PLD5: variants seen among roughly 807,000 people sequenced by gnomAD.
PLD5 encodes inactive phospholipase D5.
Under a neutral mutation model 61.1 loss-of-function variants are expected in PLD5, and 36 were observed. The observed-to-expected ratio is 0.59, with a 90% confidence interval of 0.45 to 0.78. The LOEUF (loss-of-function observed/expected upper bound fraction) is 0.78, where lower values mean the gene tolerates loss of function less well. PLD5 is among the 30% of genes least tolerant of loss of function. PLD5 has a pLI of 0.00. For missense variants in PLD5, 515 were observed against 644.4 expected (o/e 0.80, Z 2.17); for synonymous variants, 243 against 242.8 (o/e 1.00, Z -0.01).
chr1:242,328,482 ATATT>A (rs1412684124), intron 2 of PLD5, among the ~76,000 whole-genome samples: 4 of 152,162 alleles, frequency 2.6e-5, no homozygotes, highest in Non-Finnish European at 4.4e-5. Context: ...TGTATTCTAC[ATATT>A]TATGTGTTCT....
chr1:242,472,199 C>T lies in PLD5; in HGVS notation c.189+51889G>A, dbSNP rs186369384. Among the ~76,000 whole-genome samples the T allele has an allele frequency of 8.1e-4, 123 of 152,290 alleles. 1 individual carries two copies. The highest frequency in any genetic ancestry group is 2.8e-3 in the African/African-American group (118 of 41,570). ...TGGAGTCTGCACTCATTTCCCACCA[C>T]GGAGCTACTTGGGGCTCAGTGGAAT... On this transcript the variant is annotated intron_variant, in intron 1 of 9. Coordinates refer to ENST00000536534, the MANE Select transcript of PLD5 (RefSeq NM_001372062.1).
intron 1 of PLD5, among the ~76,000 whole-genome samples, chr1:242,500,711 A>T (rs148915283): frequency 3.9e-4 from 59 of 152,246 alleles, no homozygotes; most frequent in Non-Finnish European, 6.9e-4. Flanking sequence ...AAAGGTACAG[A>T]GCCCAGGAGC....
chr1:242,219,961 T>C (rs369351636), intron 5 of PLD5, 27 bp downstream of exon 5: 57 of 1,603,558 alleles, frequency 3.6e-5, no homozygotes, highest in South Asian at 7.7e-5. Context: ...GACAGAACAT[T>C]GAGTTTACAT....
intron 5 of PLD5, among the ~76,000 whole-genome samples, chr1:242,190,750 T>A (rs1463291834): frequency 2.0e-5 from 3 of 150,718 alleles, no homozygotes; most frequent in Non-Finnish European, 3.0e-5. Context: ...AAAAAAAAAA[T>A]AGAAAAATCC....
In PLD5 at chr1:242,347,124, G is replaced by A. The variant is rs117205212; in HGVS notation, c.326+982C>T. On this transcript the variant is annotated intron_variant, in intron 2 of 9. Transcript: ENST00000536534. ...TGTTGCCTGGTAACTAGACTATAAGGTACCATGGGTTAAACATAAATGCCA... is the reference window on the plus strand; with the variant it reads ...TGTTGCCTGGTAACTAGACTATAAGATACCATGGGTTAAACATAAATGCCA... Among the ~76,000 whole-genome samples, 512 of 152,202 alleles carry A rather than the reference G, an allele frequency of 3.4e-3. 15 individuals are homozygous for A. In the East Asian group the frequency reaches 0.048, roughly 14 times the overall value.
rs910379304 is a variant in PLD5, at chr1:242,482,127, T to G, written c.189+41961A>C. On this transcript the variant is annotated intron_variant, in intron 1 of 9. Transcript: ENST00000536534. Reference sequence around the variant, plus strand: ...ATGGGGAAAAACAGAGCAGAAAAACTGAAAATTCTAAAAATCAGAGCGCCT... The same window carrying G: ...ATGGGGAAAAACAGAGCAGAAAAACGGAAAATTCTAAAAATCAGAGCGCCT... Among the ~76,000 whole-genome samples the G allele has an allele frequency of 3.9e-5, 6 of 152,220 alleles. No homozygotes were observed. The East Asian group carries it at 7.7e-4, about 20-fold the overall frequency.
At chr1:242,354,792 A>AT (rs1660667684) in intron 1 of PLD5, among the ~76,000 whole-genome samples, 1 of 149,672 alleles carries the variant, frequency 6.7e-6, no homozygotes, top group Non-Finnish European at 1.5e-5. Context: ...TATGAAGTAC[A>AT]TTTCTCCTAT....
intron 5 of PLD5, among the ~76,000 whole-genome samples, chr1:242,125,297 G>A (rs1346572344): frequency 2.6e-5 from 4 of 151,986 alleles, no homozygotes; most frequent in Non-Finnish European, 5.9e-5. Flanking sequence ...TCTTATTAAC[G>A]TTACACAAGC....
chr1:242,452,057 C>G (rs1666800038), intron 1 of PLD5, among the ~76,000 whole-genome samples: 1 of 152,154 alleles, frequency 6.6e-6, no homozygotes, highest in Admixed American at 6.5e-5. Flanking sequence ...ACCCTCCCAA[C>G]AGGGCTGAAT....
At chr1:242,481,636 G>A (rs538795381) in intron 1 of PLD5, among the ~76,000 whole-genome samples, 1 of 152,232 alleles carries the variant, frequency 6.6e-6, no homozygotes, top group African/African-American at 2.4e-5. Flanking sequence ...TCTGGGGGCA[G>A]GGCATAGCCA....
chr1:242,434,901 G>A (rs1197663515), intron 1 of PLD5, among the ~76,000 whole-genome samples: 12 of 152,068 alleles, frequency 7.9e-5, no homozygotes, highest in Non-Finnish European at 4.4e-5. Flanking sequence ...AAAGTTCAGG[G>A]TACATGTGAA....
intron 2 of PLD5, among the ~76,000 whole-genome samples, chr1:242,327,728 T>C (rs1161806745): frequency 5.3e-5 from 8 of 152,198 alleles, no homozygotes; most frequent in Admixed American, 6.5e-5. Context: ...GAATTTTAAC[T>C]TTCAAAATGT....
In PLD5 at chr1:242,100,765, T is replaced by C; in HGVS notation, c.1257A>G (p.Glu419=). The C allele has an allele frequency of 6.2e-7, 1 of 1,612,252 alleles. No individual in the cohort carries two copies. Among genetic ancestry groups the C allele is most frequent in the Non-Finnish European group, 8.5e-7 (1 of 1,179,512 alleles). ...CSLKVKFFDL[E]RENACATKEQ... ...CTTTTGTAGCACAAGCATTCTCTCTTTCCAGATCAAAAAATTTCTGTAAGA... is the reference window on the plus strand; with the variant it reads ...CTTTTGTAGCACAAGCATTCTCTCTCTCCAGATCAAAAAATTTCTGTAAGA... The change falls in exon 9 of 10, where the codon GAA becomes GAG. Residue 419 remains glutamate (E), a synonymous_variant. Transcript: ENST00000536534.
At chr1:242,163,293 G>T (rs1014143812) in intron 5 of PLD5, among the ~76,000 whole-genome samples, 1 of 151,784 alleles carries the variant, frequency 6.6e-6, no homozygotes, top group South Asian at 2.1e-4. Flanking sequence ...ACAGGCGCCC[G>T]CCACCACGCC....
At position 242,417,773 on chromosome 1, in the gene PLD5, C is replaced by G. The variant is rs531150266; in HGVS notation, c.190-69531G>C. Among the ~76,000 whole-genome samples the G allele has an allele frequency of 5.9e-5, 9 of 152,112 alleles. No homozygotes were observed. In the South Asian group the frequency reaches 1.7e-3, roughly 28 times the overall value. Reference sequence around the variant, plus strand: ...TTTTTGTGGAAGAAAGAGGCCAGTACGGGGGATGGTGGTATGGGATAGAGC... The same window carrying G: ...TTTTTGTGGAAGAAAGAGGCCAGTAGGGGGGATGGTGGTATGGGATAGAGC... On this transcript the variant is annotated intron_variant, in intron 1 of 9. Transcript: ENST00000536534.
At chr1:242,510,287 T>C (rs910982406) in intron 1 of PLD5, among the ~76,000 whole-genome samples, 10 of 152,302 alleles carry the variant, frequency 6.6e-5, no homozygotes, top group Admixed American at 5.9e-4. Context: ...AATGGAATTA[T>C]GACTGCCAAG....
At chr1:242,159,259 G>T (rs1665640002) in intron 5 of PLD5, among the ~76,000 whole-genome samples, 1 of 152,164 alleles carries the variant, frequency 6.6e-6, no homozygotes, top group Admixed American at 6.5e-5. Context: ...TAAGATTTCA[G>T]TTGGGTTTGG....
chr1:242,246,666 G>T (rs1038877442), intron 4 of PLD5, among the ~76,000 whole-genome samples: 5 of 152,074 alleles, frequency 3.3e-5, no homozygotes, highest in African/African-American at 1.2e-4. Flanking sequence ...TTTTCACTTA[G>T]CAACATAATC....
intron 1 of PLD5, among the ~76,000 whole-genome samples, chr1:242,397,333 G>A (rs1663645010): frequency 7.8e-6 from 1 of 128,718 alleles, no homozygotes; most frequent in Non-Finnish European, 1.6e-5. Context: ...CTTGACTTCT[G>A]TTTTTTTTCT....
Sources: allele counts gnomAD v4.1 joint callset (sites outside exome capture counted in the v4.1 genomes callset), GRCh38; gene constraint gnomAD v4.1.1; transcripts MANE v1.5; gene names NCBI Gene and HGNC (gene_info 2026-07-23, HGNC 2026-07-21).